The following RIMS1 variants were observed in gnomAD, a reference collection of about 807,000 sequenced individuals.
The protein encoded by RIMS1 is regulating synaptic membrane exocytosis 1.
Under a neutral mutation model 214.1 loss-of-function variants are expected in RIMS1, and 83 were observed. The observed-to-expected ratio is 0.39, with a 90% CI of 0.32 to 0.47. The LOEUF (loss-of-function observed/expected upper bound fraction) is 0.47. Among genes scored for constraint, RIMS1 ranks in the 20% least tolerant of loss-of-function variants. The pLI is 0.99. For missense variants in RIMS1, 2,050 were observed against 2,161.8 expected (o/e 0.95, Z 1.03); for synonymous variants, 793 against 786.8 (o/e 1.01, Z -0.13).
At chr6:71,984,772 C>T (rs80250919) in intron 2 of RIMS1, among the ~76,000 whole-genome samples, 7,329 of 104,702 alleles carry the variant, frequency 0.07, 263 homozygotes, top group East Asian at 0.32. Context: ...TATGTATGTA[C>T]ATATCTATCT....
chr6:72,018,886 A>G (rs1299210883), intron 2 of RIMS1, among the ~76,000 whole-genome samples: 1 of 152,220 alleles, frequency 6.6e-6, no homozygotes, highest in East Asian at 1.9e-4. Context: ...ATCTTAGACT[A>G]TAGTGCTCAA....
At chr6:72,062,608 G>A (rs1237625640) in intron 2 of RIMS1, among the ~76,000 whole-genome samples, 1 of 152,198 alleles carries the variant, frequency 6.6e-6, no homozygotes, top group African/African-American at 2.4e-5. Context: ...ATGGTAAAGT[G>A]AGAAGACAGG....
intron 4 of RIMS1, among the ~76,000 whole-genome samples, chr6:72,169,383 AT>A (rs2046711526): frequency 6.6e-6 from 1 of 152,212 alleles, no homozygotes; most frequent in Non-Finnish European, 1.5e-5. Context: ...CATGAAGCCT[AT>A]TTAAGTAACA....
intron 6 of RIMS1, chr6:72,216,929 C>T (rs777134863): frequency 9.7e-5 from 125 of 1,282,868 alleles, no homozygotes; most frequent in Admixed American, 2.4e-4. Context: ...ATGCTGTAAT[C>T]AATGAGAATC....
At chr6:72,308,517 C>T (rs2095346295) in intron 27 of RIMS1, among the ~76,000 whole-genome samples, 1 of 151,872 alleles carries the variant, frequency 6.6e-6, no homozygotes, top group African/African-American at 2.4e-5. Context: ...CTAGAAAAAC[C>T]TACTTATTTT....
chr6:72,277,905 T>C (rs2087505670), intron 23 of RIMS1, among the ~76,000 whole-genome samples: 1 of 152,150 alleles, frequency 6.6e-6, no homozygotes, highest in Non-Finnish European at 1.5e-5. Context: ...AGAAAAAATA[T>C]ATTTTAATAT....
At chr6:72,377,507 A>G (rs1290890990) in intron 29 of RIMS1, among the ~76,000 whole-genome samples, 1 of 152,124 alleles carries the variant, frequency 6.6e-6, no homozygotes, top group Non-Finnish European at 1.5e-5. Flanking sequence ...AGGGAAGGCT[A>G]TATGCTATGT....
chr6:71,948,783 A>G (rs1282893573), intron 1 of RIMS1, among the ~76,000 whole-genome samples: 1 of 152,220 alleles, frequency 6.6e-6, no homozygotes, highest in Non-Finnish European at 1.5e-5. Flanking sequence ...AGGAAAGAAC[A>G]CTACAGGCTG....
chr6:72,224,578 T>C (rs1272450254), intron 6 of RIMS1, among the ~76,000 whole-genome samples: 2 of 152,188 alleles, frequency 1.3e-5, no homozygotes, highest in East Asian at 3.8e-4. Context: ...ATATTGGAAA[T>C]ATAGATTTAA....
At chr6:72,011,997 T>G (rs886616402) in intron 2 of RIMS1, among the ~76,000 whole-genome samples, 9 of 152,204 alleles carry the variant, frequency 5.9e-5, no homozygotes, top group African/African-American at 2.2e-4. Context: ...CCCAAAGGAT[T>G]ATAAATCATG....
chr6:72,279,650 C>T (rs1011272075), intron 23 of RIMS1, among the ~76,000 whole-genome samples: 2 of 151,980 alleles, frequency 1.3e-5, no homozygotes, highest in Non-Finnish European at 2.9e-5. Context: ...ACAGTGTTGT[C>T]TTGTTCACTC....
intron 2 of RIMS1, among the ~76,000 whole-genome samples, chr6:72,008,769 G>A (rs965461699): frequency 2.2e-4 from 34 of 152,148 alleles, no homozygotes; most frequent in African/African-American, 8.2e-4. Context: ...AACAAGAAGA[G>A]CTAACTATCC....
chr6:72,250,795 T>A (rs1365389323), intron 13 of RIMS1, 126 bp from the exon 14 acceptor site: 1 of 606,726 alleles, frequency 1.6e-6, no homozygotes, highest in Non-Finnish European at 2.8e-6. Flanking sequence ...CTCTATTATC[T>A]TTTTATAGAC....
chr6:72,183,765 T>C lies in RIMS1; in HGVS notation c.1678+616T>C, dbSNP rs146752021. On this transcript the variant is annotated intron_variant, in intron 6 of 33. Coordinates refer to ENST00000521978, the MANE Select transcript of RIMS1 (RefSeq NM_014989.7). ...GTGGACGAACCGGGTAGCCTGGCAATATTTTAATAAAATAAGAAAAAGTTA... is the reference window on the plus strand; with the variant it reads ...GTGGACGAACCGGGTAGCCTGGCAACATTTTAATAAAATAAGAAAAAGTTA... 2.4e-3 allele frequency among the ~76,000 whole-genome samples: 362 copies of C among 152,246 alleles called. 1 individual carries two copies. Among genetic ancestry groups the C allele is most frequent in the Admixed American group, 3.5e-3 (53 of 15,282 alleles).
intron 4 of RIMS1, among the ~76,000 whole-genome samples, chr6:72,113,555 A>G (rs2036505695): frequency 6.6e-6 from 1 of 152,144 alleles, no homozygotes; most frequent in Non-Finnish European, 1.5e-5. Context: ...TTTTATGTTG[A>G]CATTTTACAC....
chr6:71,970,968 A>AT (rs1203025766), intron 2 of RIMS1, among the ~76,000 whole-genome samples: 1 of 152,104 alleles, frequency 6.6e-6, no homozygotes, highest in Non-Finnish European at 1.5e-5. Flanking sequence ...GTAATTTATG[A>AT]TTTTCAGTGG....
At chr6:72,173,754 G>A (rs2047343140) in intron 4 of RIMS1, among the ~76,000 whole-genome samples, 1 of 151,912 alleles carries the variant, frequency 6.6e-6, no homozygotes, top group African/African-American at 2.4e-5. Context: ...AGTGTTCCTT[G>A]ATTAGCCATA....
At chr6:72,223,831 C>G (rs112237747) in intron 6 of RIMS1, among the ~76,000 whole-genome samples, 2,278 of 151,592 alleles carry the variant, frequency 0.015, 18 homozygotes, top group Non-Finnish European at 0.017. Context: ...ACCTGTAGTC[C>G]CAGTTACTCG....
intron 4 of RIMS1, among the ~76,000 whole-genome samples, chr6:72,100,668 A>G (rs190546038): frequency 4.0e-5 from 6 of 151,472 alleles, no homozygotes; most frequent in Non-Finnish European, 8.9e-5. Flanking sequence ...TATACATACT[A>G]TACACCTTCA....
Sources: allele counts gnomAD v4.1 joint callset (sites outside exome capture counted in the v4.1 genomes callset), GRCh38; gene constraint gnomAD v4.1.1; transcripts MANE v1.5; gene names NCBI Gene and HGNC (gene_info 2026-07-23, HGNC 2026-07-21).